The following TKT variants were observed in gnomAD, a reference collection of about 807,000 sequenced individuals.
TKT encodes transketolase, also known as epididymis luminal protein 107.
A neutral mutation model predicts 63.9 loss-of-function variants in TKT; 47 were observed. That is an observed-to-expected ratio of 0.74 (90% confidence interval 0.58 to 0.94). TKT has a LOEUF of 0.94. Ranked by LOEUF, TKT falls within the 40% of genes least tolerant of loss-of-function variation. TKT has a pLI of 0.00. For missense variants in TKT, 721 were observed against 846.2 expected, an observed-to-expected ratio of 0.85 and a Z score of 1.84; for synonymous variants, 338 against 334.1, an observed-to-expected ratio of 1.01 and a Z score of -0.13.
At position 53,228,287 on chromosome 3, in the gene TKT, C is replaced by G. The variant is rs782423189; in HGVS notation, c.1468G>C (p.Gly490Arg). ...TGCGAGGCACTGACCTTGGCTTGTC[C>G]GACCTGGAAGTCCTCATTGTTGTTA... ...IYNNNEDFQV[G>R]QAKVVLKSKD... Residue 490 changes from glycine to arginine, a missense_variant, in exon 11 of 14, where the codon GGA (glycine) becomes CGA (arginine). By Grantham distance (125) the Gly-to-Arg change is moderately radical (BLOSUM62 -2). Transcript: ENST00000462138. 6.2e-7 allele frequency: 1 copy of G among 1,614,136 alleles called. No individual in the cohort carries two copies. Among genetic ancestry groups the G allele is most frequent in the East Asian group, 2.2e-5 (1 of 44,880 alleles).
rs782117314 is a variant in TKT, at chr3:53,242,259, A to C, written c.108-17T>G. The C allele has an allele frequency of 1.6e-5, 26 of 1,611,416 alleles. No homozygotes were observed. Among genetic ancestry groups the C allele is most frequent in the Non-Finnish European group, 2.1e-5 (25 of 1,178,146 alleles). On this transcript the variant is annotated splice_polypyrimidine_tract_variant and intron_variant, in intron 1 of 13. Coordinates refer to ENST00000462138, the MANE Select transcript of TKT (RefSeq NM_001064.4). ...GTGGGGTGGCTGTGGCCCAGGAGAG[A>C]AGACAGACACAGGCATCATGGCCCT...
Position 53,225,571 on chromosome 3 carries a change from A to C in TKT, c.*185T>G. On this transcript the variant is annotated 3_prime_UTR_variant, in exon 14 of 14. Coordinates refer to ENST00000462138, the MANE Select transcript of TKT (RefSeq NM_001064.4). ...CAGGACCAAGGACACCAGCCTCCCT[A>C]GCGCACCCTCCACGCTTCTTCCCCA... is the stretch of plus-strand genomic sequence containing the variant. 1.5e-6 allele frequency: 1 copy of C among 646,570 alleles called. No homozygotes were observed. The highest frequency in any genetic ancestry group is 2.4e-6 in the Non-Finnish European group (1 of 413,770). The allele number at this position is 646,570 out of a possible 1,614,324, so 40.1% of individuals were successfully genotyped here.
chr3:53,239,575 A>T lies in TKT; in HGVS notation c.437+676T>A, dbSNP rs139714391. Among the ~76,000 whole-genome samples, 4 of 152,116 alleles carry T rather than the reference A, an allele frequency of 2.6e-5. No homozygotes were observed. In the East Asian group the frequency reaches 7.8e-4, roughly 30 times the overall value. On this transcript the variant is annotated intron_variant, in intron 4 of 13. Transcript: ENST00000462138. Reference sequence around the variant, plus strand: ...TTCCCTCAGCCAGCCATTATTCTTAACAGTTTACAACCTCATCCCCCCAGG... The same window carrying T: ...TTCCCTCAGCCAGCCATTATTCTTATCAGTTTACAACCTCATCCCCCCAGG...
chr3:53,254,970 C>T (rs1404532889), intron 1 of TKT, among the ~76,000 whole-genome samples: 1 of 152,234 alleles, frequency 6.6e-6, no homozygotes, highest in Non-Finnish European at 1.5e-5. Context: ...TGGTGGCTGG[C>T]CCTGCCCCAG....
chr3:53,233,645 A>T (rs1704876006), intron 5 of TKT: 1 of 169,230 alleles, frequency 5.9e-6, no homozygotes, highest in Admixed American at 6.4e-5. Context: ...TTCTTGATGA[A>T]TTTTTTGGCC....
At chr3:53,232,951 C>T (rs1044566772) in intron 6 of TKT, 10 of 550,196 alleles carry the variant, frequency 1.8e-5, no homozygotes, top group African/African-American at 5.8e-5. Flanking sequence ...ATGCCCCCAC[C>T]GGCAGAGGCC....
intron 6 of TKT, chr3:53,232,740 T>A (rs1477186836): frequency 7.5e-6 from 3 of 402,146 alleles, no homozygotes; most frequent in Admixed American, 4.4e-5. Flanking sequence ...CCCACTCACC[T>A]CCTGGAGGGA....
chr3:53,247,378 A>AAAAAAAAT (rs1553681097), intron 1 of TKT, among the ~76,000 whole-genome samples: 36 of 147,656 alleles, frequency 2.4e-4, no homozygotes, highest in Non-Finnish European at 4.5e-4. Context: ...AAAAAAAAAA[A>AAAAAAAAT]TTTAGAAGAG....
chr3:53,252,659 C>T (rs1470160328), intron 1 of TKT, among the ~76,000 whole-genome samples: 5 of 152,116 alleles, frequency 3.3e-5, no homozygotes, highest in East Asian at 1.9e-4. Flanking sequence ...TCAGACTTTG[C>T]CTAACAAAGA....
intron 1 of TKT, among the ~76,000 whole-genome samples, chr3:53,244,772 C>G (rs1373377202): frequency 6.6e-6 from 1 of 151,576 alleles, no homozygotes; most frequent in East Asian, 1.9e-4. Flanking sequence ...TGTGACAACT[C>G]TGGGTGAACA....
chr3:53,231,383 G>A lies in TKT; in HGVS notation c.916C>T (p.Leu306=). The change falls in exon 7 of 14, where the codon CTG becomes TTG. Residue 306 remains leucine, a synonymous_variant. Transcript: ENST00000462138. ...TTGTCCCCAACTTTGTAGCTGGGCAGGCTGGGCATGCGGATGTTGGCAATG... is the reference window on the plus strand; with the variant it reads ...TTGTCCCCAACTTTGTAGCTGGGCAAGCTGGGCATGCGGATGTTGGCAATG... The part of the protein sequence containing the change: ...VDIANIRMPS[L]PSYKVGDKIA... 6.2e-7 allele frequency: 1 copy of A among 1,613,768 alleles called. No homozygotes were observed. The highest frequency in any genetic ancestry group is 8.5e-7 in the Non-Finnish European group (1 of 1,180,018).
chr3:53,241,236 C>G lies in TKT; in HGVS notation c.235G>C (p.Ala79Pro). The G allele has an allele frequency of 6.2e-7, 1 of 1,600,400 alleles. No individual in the cohort carries two copies. The highest frequency in any genetic ancestry group is 8.5e-7 in the Non-Finnish European group (1 of 1,175,408). Residue 79 changes from alanine (A) to proline (P), a missense_variant, in exon 3 of 14, where the codon GCT becomes CCT. By Grantham distance (27) the Ala-to-Pro change is conservative. Transcript: ENST00000462138. ...DRFVLSKGHA[A>P]PILYAVWAEA... is the part of the protein sequence containing the mutation. ...GCCCAGACCGCGTAGAGGATGGGAGCTGCATGGCCCTGCCGGGAGATGGAT... is the reference window on the plus strand; with the variant it reads ...GCCCAGACCGCGTAGAGGATGGGAGGTGCATGGCCCTGCCGGGAGATGGAT...
chr3:53,242,263 C>CA, intron 1 of TKT, 21 bp from the exon 2 acceptor site: 3 of 1,608,002 alleles, frequency 1.9e-6, no homozygotes, highest in Non-Finnish European at 2.6e-6. Context: ...GGAGAGAAGA[C>CA]AGACACAGGC....
intron 6 of TKT, 60 bp from the exon 7 acceptor site, chr3:53,231,610 G>A (rs2106672855): frequency 6.5e-7 from 1 of 1,540,460 alleles, no homozygotes; most frequent in East Asian, 2.3e-5. Flanking sequence ...CAGAGGGCCA[G>A]GAGGCTGCTC....
chr3:53,241,668 A>AG (rs1194701388), intron 2 of TKT, among the ~76,000 whole-genome samples: 128 of 151,890 alleles, frequency 8.4e-4, no homozygotes, highest in Non-Finnish European at 1.4e-3. Flanking sequence ...TCCACCCAGA[A>AG]GGGGGGGGTC....
intron 4 of TKT, among the ~76,000 whole-genome samples, chr3:53,238,740 C>T (rs1001726604): frequency 1.5e-4 from 23 of 152,350 alleles, no homozygotes; most frequent in African/African-American, 5.5e-4. Flanking sequence ...AGCCTGGGTA[C>T]CTCCACCACC....
At chr3:53,241,374 G>A (rs782158224) in intron 2 of TKT, 129 bp from the exon 3 acceptor site, 54 of 714,890 alleles carry the variant, frequency 7.6e-5, no homozygotes, top group Non-Finnish European at 1.2e-4. Flanking sequence ...AGGGGAGGAA[G>A]CAAGTGAAGG....
Position 53,240,242 on chromosome 3 carries a change from G to A in TKT, c.437+9C>T, listed in dbSNP as rs993791485. The A allele has an allele frequency of 3.8e-5, 61 of 1,609,954 alleles. No homozygotes were observed. The Admixed American group carries it at 1.0e-3, about 27-fold the overall frequency. Reference sequence around the variant, plus strand: ...TACCCAGGTTGGGGGTGGGGAGTAGGTGTGTTACCTGGCCTTGTCGAAGTA... The same window carrying A: ...TACCCAGGTTGGGGGTGGGGAGTAGATGTGTTACCTGGCCTTGTCGAAGTA... On this transcript the variant is annotated intron_variant, in intron 4 of 13. Coordinates refer to ENST00000462138, the MANE Select transcript of TKT (RefSeq NM_001064.4).
At chr3:53,239,850 C>A (rs550963312) in intron 4 of TKT, among the ~76,000 whole-genome samples, 1 of 152,338 alleles carries the variant, frequency 6.6e-6, no homozygotes, top group South Asian at 2.1e-4. Flanking sequence ...CAGGCCTGGG[C>A]TCCTGGTGCC....
Sources: allele counts gnomAD v4.1 joint callset (sites outside exome capture counted in the v4.1 genomes callset), GRCh38; gene constraint gnomAD v4.1.1; transcripts MANE v1.5; gene names NCBI Gene and HGNC (gene_info 2026-07-23, HGNC 2026-07-21).